MACROD2: variants seen among roughly 807,000 people sequenced by gnomAD.
MACROD2 encodes mono-ADP ribosylhydrolase 2.
In MACROD2, 36 loss-of-function variants were observed where a neutral mutation model predicts 70.4. The ratio of observed to expected loss-of-function variants is 0.51; its 90% CI spans 0.39 to 0.68. The LOEUF (loss-of-function observed/expected upper bound fraction) is 0.68. Ranked by LOEUF, MACROD2 falls within the 30% of genes least tolerant of loss-of-function variation. The pLI, the probability that MACROD2 is intolerant of heterozygous loss-of-function variation, is 0.00. For synonymous variants in MACROD2, 172 were observed against 178.8 expected, an observed-to-expected ratio of 0.96 and a Z score of 0.30; for missense variants, 496 against 538.4, an observed-to-expected ratio of 0.92 and a Z score of 0.78.
At chr20:15,810,801 A>G (rs2063812745) in intron 8 of MACROD2, among the ~76,000 whole-genome samples, 1 of 152,036 alleles carries the variant, frequency 6.6e-6, no homozygotes, top group African/African-American at 2.4e-5. Context: ...CAACTATCTG[A>G]TCTTTGACAA....
intron 6 of MACROD2, among the ~76,000 whole-genome samples, chr20:15,373,817 A>C (rs1371687476): frequency 6.6e-6 from 1 of 152,152 alleles, no homozygotes; most frequent in Non-Finnish European, 1.5e-5. Context: ...TCCAATCCAC[A>C]AACATTGTAT....
intron 5 of MACROD2, among the ~76,000 whole-genome samples, chr20:15,031,605 C>T (rs6043063): frequency 0.099 from 15,102 of 152,182 alleles, 2,007 homozygotes; most frequent in African/African-American, 0.31. Context: ...CACAGGCAGG[C>T]CATCCCGACT....
At chr20:14,842,865 G>A (rs1470230512) in intron 5 of MACROD2, among the ~76,000 whole-genome samples, 1 of 152,068 alleles carries the variant, frequency 6.6e-6, no homozygotes, top group Non-Finnish European at 1.5e-5. Context: ...ATGAACTCTA[G>A]GAGTCATTTC....
intron 3 of MACROD2, among the ~76,000 whole-genome samples, chr20:14,258,156 T>A (rs1435967892): frequency 6.6e-6 from 1 of 152,206 alleles, no homozygotes; most frequent in Admixed American, 6.5e-5. Flanking sequence ...TTGGGTTGGT[T>A]CCATATTTTT....
intron 4 of MACROD2, among the ~76,000 whole-genome samples, chr20:14,666,634 C>T (rs2070739326): frequency 6.6e-6 from 1 of 151,940 alleles, no homozygotes; most frequent in Non-Finnish European, 1.5e-5. Flanking sequence ...TAAGTCCAAA[C>T]ACTGTATTAT....
chr20:14,947,795 G>A (rs2074444642), intron 5 of MACROD2, among the ~76,000 whole-genome samples: 1 of 152,152 alleles, frequency 6.6e-6, no homozygotes, highest in Non-Finnish European at 1.5e-5. Flanking sequence ...GAGGACTGCA[G>A]TTTGGTCATG....
intron 8 of MACROD2, among the ~76,000 whole-genome samples, chr20:15,811,571 G>A (rs1228408740): frequency 7.9e-5 from 12 of 151,690 alleles, no homozygotes; most frequent in African/African-American, 2.7e-4. Flanking sequence ...AATTTACCTA[G>A]TTATTTGTTG....
At chr20:14,376,722 C>T (rs936106379) in intron 3 of MACROD2, among the ~76,000 whole-genome samples, 3 of 150,502 alleles carry the variant, frequency 2.0e-5, no homozygotes, top group Non-Finnish European at 4.4e-5. Flanking sequence ...TGCACTCCAG[C>T]CTGGGTGACA....
intron 4 of MACROD2, among the ~76,000 whole-genome samples, chr20:14,594,729 T>C (rs1273692649): frequency 1.3e-5 from 2 of 152,086 alleles, no homozygotes; most frequent in African/African-American, 4.8e-5. Flanking sequence ...CTGTCTCTAT[T>C]AAAAATACAA....
intron 2 of MACROD2, among the ~76,000 whole-genome samples, chr20:14,026,947 TGCTAAGGGACAG>T (rs1317042205): frequency 2.0e-5 from 3 of 152,228 alleles, no homozygotes; most frequent in Non-Finnish European, 1.5e-5. Context: ...GCTCACGCTC[TGCTAAGGGACAG>T]ACTGCCTCCT....
rs540164796 is a variant in MACROD2 at position 15,326,547 on chromosome 20, T to A, written c.540+96486T>A. ...CATATATTCTTAAAGATAAATTCCC[T>A]ATAACCATTTTTTAAAGTAAATGGT... On this transcript the variant is annotated intron_variant, in intron 6 of 17. Transcript: ENST00000684519. Among the ~76,000 whole-genome samples the A allele has an allele frequency of 1.4e-3, 208 of 152,278 alleles. 1 individual carries two copies. The highest frequency in any genetic ancestry group is 4.8e-3 in the African/African-American group (198 of 41,564).
At chr20:15,118,196 AT>A (rs35217480) in intron 5 of MACROD2, among the ~76,000 whole-genome samples, 9,993 of 146,044 alleles carry the variant, frequency 0.068, 359 homozygotes, top group Non-Finnish European at 0.08. Flanking sequence ...TTAATTTTAA[AT>A]TTTTTTTTTT....
intron 2 of MACROD2, among the ~76,000 whole-genome samples, chr20:14,049,264 T>A (rs921582874): frequency 6.6e-6 from 1 of 150,484 alleles, no homozygotes; most frequent in Non-Finnish European, 1.5e-5. Flanking sequence ...TTGGGGGAAT[T>A]CCCTGATGAT....
intron 5 of MACROD2, among the ~76,000 whole-genome samples, chr20:14,767,608 G>A (rs1049450150): frequency 7.2e-5 from 11 of 151,744 alleles, no homozygotes; most frequent in African/African-American, 2.7e-4. Context: ...TTAAATTGGG[G>A]TAACCATACT....
intron 8 of MACROD2, among the ~76,000 whole-genome samples, chr20:15,776,689 C>T (rs1335341841): frequency 6.6e-6 from 1 of 152,124 alleles, no homozygotes; most frequent in African/African-American, 2.4e-5. Flanking sequence ...GAGAACATTC[C>T]CTTTTAAAAG....
intron 10 of MACROD2, among the ~76,000 whole-genome samples, chr20:15,918,424 T>A (rs2065352410): frequency 1.3e-5 from 2 of 152,248 alleles, no homozygotes; most frequent in Non-Finnish European, 2.9e-5. Flanking sequence ...GGAAAACTTT[T>A]GCTCTAACTT....
At chr20:15,061,259 A>G (rs1191684348) in intron 5 of MACROD2, among the ~76,000 whole-genome samples, 2 of 152,126 alleles carry the variant, frequency 1.3e-5, no homozygotes, top group Non-Finnish European at 2.9e-5. Context: ...GCTGCCTCCT[A>G]GAATAGCTGT....
At chr20:14,829,037 G>A (rs2072933108) in intron 5 of MACROD2, among the ~76,000 whole-genome samples, 1 of 150,662 alleles carries the variant, frequency 6.6e-6, no homozygotes, top group South Asian at 2.1e-4. Flanking sequence ...CTATCACCTA[G>A]GTGTTAAGCC....
intron 6 of MACROD2, among the ~76,000 whole-genome samples, chr20:15,349,477 C>T (rs1253659798): frequency 6.6e-6 from 1 of 152,064 alleles, no homozygotes; most frequent in African/African-American, 2.4e-5. Flanking sequence ...AAATTATGGG[C>T]CAGGCGTGGT....
Sources: gnomAD v4.1 joint callset for allele counts (sites outside exome capture counted in the v4.1 genomes callset) on GRCh38, gnomAD v4.1.1 for gene constraint, MANE v1.5 for transcripts, NCBI Gene and HGNC (gene_info 2026-07-23, HGNC 2026-07-21) for gene names.